The following PRKD3 variants were observed in gnomAD, a reference collection of about 807,000 sequenced individuals.
The protein encoded by PRKD3 is serine/threonine-protein kinase D3.
Under a neutral mutation model 99.2 loss-of-function variants are expected in PRKD3, and 47 were observed. That is an observed-to-expected ratio of 0.47 (90% CI 0.38 to 0.60). PRKD3 has a LOEUF of 0.60. Ranked by LOEUF, PRKD3 falls within the 20% of genes least tolerant of loss-of-function variation. The probability of loss-of-function intolerance (pLI) is 0.00; values close to 1 mark genes in which losing one functional copy is unlikely to be tolerated. For synonymous variants in PRKD3, 392 were observed against 355.4 expected, an observed-to-expected ratio of 1.10 and a Z score of -1.16; for missense variants, 1,019 against 1,088.4, an observed-to-expected ratio of 0.94 and a Z score of 0.90.
chr2:37,259,094 G>A (rs941489834), intron 16 of PRKD3, among the ~76,000 whole-genome samples: 1 of 152,118 alleles, frequency 6.6e-6, no homozygotes, highest in Admixed American at 6.6e-5. Context: ...ATCAGAGAGT[G>A]CTACATGTAG....
chr2:37,299,415 A>G (rs1273112977), intron 2 of PRKD3, among the ~76,000 whole-genome samples: 1 of 151,858 alleles, frequency 6.6e-6, no homozygotes, highest in Non-Finnish European at 1.5e-5. Flanking sequence ...CACACTGATA[A>G]TCCTAGCACT....
intron 3 of PRKD3, among the ~76,000 whole-genome samples, chr2:37,291,712 G>A (rs149925288): frequency 6.6e-6 from 1 of 152,302 alleles, no homozygotes; most frequent in African/African-American, 2.4e-5. Context: ...AGATGAATGA[G>A]AGAATCAGAA....
intron 14 of PRKD3, among the ~76,000 whole-genome samples, chr2:37,266,872 A>G (rs1572631095): frequency 6.6e-6 from 1 of 152,346 alleles, no homozygotes; most frequent in South Asian, 2.1e-4. Flanking sequence ...AATTATTTAT[A>G]TGATATTCAG....
At chr2:37,301,432 A>G (rs952520340) in intron 2 of PRKD3, among the ~76,000 whole-genome samples, 1 of 151,664 alleles carries the variant, frequency 6.6e-6, no homozygotes, top group South Asian at 2.1e-4. Flanking sequence ...ATTAAAACCA[A>G]TTCTGGATTA....
intron 10 of PRKD3, 143 bp downstream of exon 10, chr2:37,275,624 C>T (rs1669531091): frequency 2.3e-6 from 2 of 859,062 alleles, no homozygotes; most frequent in South Asian, 7.5e-5. Context: ...GAAATAGTTG[C>T]TTCAACAAGG....
Position 37,316,315 on chromosome 2 carries a change from C to T in PRKD3, c.210G>A (p.Arg70=). The T allele has an allele frequency of 6.2e-7, 1 of 1,614,182 alleles. No homozygotes were observed. ...CCTGGGCTTCAATGGTAACACTCTC[C>T]CGTGTGAGGCCAATTTGCAGTAGAA... ...VSFLLQIGLT[R]ESVTIEAQEL... The change falls in exon 2 of 19, where the codon CGG becomes CGA. Residue 70 remains arginine (R), a synonymous_variant. Transcript: ENST00000234179.
chr2:37,304,042 CCAA>C (rs1251596181), intron 2 of PRKD3, among the ~76,000 whole-genome samples: 2 of 152,018 alleles, frequency 1.3e-5, no homozygotes, highest in Non-Finnish European at 2.9e-5. Context: ...ACACTGAATA[CCAA>C]CGTCATTTTA....
Position 37,251,085 on chromosome 2 carries a change from G to A in PRKD3, c.*2092C>T, listed in dbSNP as rs1028985361. Reference sequence around the variant, plus strand: ...TTTCACCTTACATAGTAAAACCACAGTAGATTGATTGCCTAGTGACTCAGA... The same window carrying A: ...TTTCACCTTACATAGTAAAACCACAATAGATTGATTGCCTAGTGACTCAGA... On this transcript the variant is annotated 3_prime_UTR_variant, in exon 19 of 19. Coordinates refer to ENST00000234179, the MANE Select transcript of PRKD3 (RefSeq NM_005813.6). The A allele has an allele frequency of 6.5e-6, 1 of 152,700 alleles. No individual in the cohort carries two copies. The highest frequency in any genetic ancestry group is 1.5e-5 in the Non-Finnish European group (1 of 68,018). The allele number at this position is 152,700 out of a possible 1,614,324, so 9.5% of individuals were successfully genotyped here. A position where few individuals can be genotyped will look rare whatever the true frequency, so the allele number is the denominator to read the frequency against.
At chr2:37,260,425 GA>G in intron 14 of PRKD3, 41 bp from the exon 15 acceptor site, 4 of 1,548,064 alleles carry the variant, frequency 2.6e-6, no homozygotes, top group South Asian at 1.1e-5. Context: ...CTTAAGCAGA[GA>G]AACAGTTTTA....
intron 16 of PRKD3, among the ~76,000 whole-genome samples, chr2:37,258,384 T>TTTCAGC (rs1668145623): frequency 6.6e-6 from 1 of 152,208 alleles, no homozygotes; most frequent in African/African-American, 2.4e-5. Context: ...AAATGCCAGA[T>TTTCAGC]TTCAGCTAAC....
Position 37,316,712 on chromosome 2 carries a change from G to A in PRKD3, c.-188C>T. On this transcript the variant is annotated 5_prime_UTR_variant, in exon 2 of 19. Coordinates refer to ENST00000234179, the MANE Select transcript of PRKD3 (RefSeq NM_005813.6). ...TATCAAGGAGTTGAATGCCCCAAAGGTCCTATTTCTCTTAATATCAGTCCC... is the reference window on the plus strand; with the variant it reads ...TATCAAGGAGTTGAATGCCCCAAAGATCCTATTTCTCTTAATATCAGTCCC... The A allele has an allele frequency of 7.0e-7, 1 of 1,419,650 alleles. No individual in the cohort carries two copies. Among genetic ancestry groups the A allele is most frequent in the Non-Finnish European group, 9.1e-7 (1 of 1,093,716 alleles). The allele number at this position is 1,419,650 out of a possible 1,614,324, so 87.9% of individuals were successfully genotyped here.
intron 17 of PRKD3, among the ~76,000 whole-genome samples, chr2:37,255,948 A>T (rs1667899990): frequency 1.3e-5 from 2 of 152,200 alleles, no homozygotes; most frequent in African/African-American, 2.4e-5. Flanking sequence ...CAGGAAGTCG[A>T]GGCTGCAGTG....
Position 37,316,950 on chromosome 2 carries a change from A to G in PRKD3, c.-426T>C. The G allele has an allele frequency of 1.0e-6, 1 of 998,140 alleles. No homozygotes were observed. Among genetic ancestry groups the G allele is most frequent in the Non-Finnish European group, 1.2e-6 (1 of 838,142 alleles). 61.8% of individuals were successfully genotyped at this position (998,140 alleles called of 1,614,324 possible). On this transcript the variant is annotated 5_prime_UTR_variant, in exon 2 of 19. Transcript: ENST00000234179. ...AAATCCTCTTCGTTTAAAAAACAGT[A>G]AGTGTTTTGGATTAATCTATTCAGT...
intron 6 of PRKD3, among the ~76,000 whole-genome samples, chr2:37,285,177 C>T (rs1168484670): frequency 1.3e-5 from 2 of 152,170 alleles, no homozygotes; most frequent in Non-Finnish European, 2.9e-5. Context: ...TATCCTGGCT[C>T]AATGACTAAT....
At chr2:37,263,699 T>C (rs1668632905) in intron 14 of PRKD3, among the ~76,000 whole-genome samples, 1 of 152,166 alleles carries the variant, frequency 6.6e-6, no homozygotes, top group African/African-American at 2.4e-5. Flanking sequence ...GAAGGGACCT[T>C]TGGAGGACAT....
chr2:37,316,403 G>C lies in PRKD3; in HGVS notation c.122C>G (p.Ser41Cys). 1.9e-6 allele frequency: 3 copies of C among 1,614,200 alleles called. No homozygotes were observed. The highest frequency in any genetic ancestry group is 8.5e-7 in the Non-Finnish European group (1 of 1,180,026). Residue 41 changes from serine to cysteine, a missense_variant, in exon 2 of 19, where the codon TCT becomes TGT. This residue lies in a region of PRKD3 where 710 missense variants were observed against 692.7 expected (regional missense o/e 1.02). Coordinates refer to ENST00000234179, the MANE Select transcript of PRKD3 (RefSeq NM_005813.6). ...SPKTGLSARL[S>C]NGSFSAPSLT... Reference sequence around the variant, plus strand: ...TGATGGTGCACTGAAGCTTCCATTAGAGAGTCGGGCAGAGAGTCCCGTCTT... The same window carrying C: ...TGATGGTGCACTGAAGCTTCCATTACAGAGTCGGGCAGAGAGTCCCGTCTT...
intron 15 of PRKD3, 31 bp downstream of exon 15, chr2:37,260,192 C>T: frequency 6.4e-7 from 1 of 1,553,270 alleles, no homozygotes; most frequent in Non-Finnish European, 8.7e-7. Context: ...TTTTTAATCG[C>T]TAGTTTAAAA....
At chr2:37,272,765 A>T in intron 11 of PRKD3, among the ~76,000 whole-genome samples, 1 of 152,278 alleles carries the variant, frequency 6.6e-6, no homozygotes, top group East Asian at 1.9e-4. Flanking sequence ...AGGCAGGAGG[A>T]TCACTTGAGC....
chr2:37,253,870 T>A (rs1440394374), intron 18 of PRKD3, among the ~76,000 whole-genome samples: 6 of 152,198 alleles, frequency 3.9e-5, no homozygotes, highest in African/African-American at 7.2e-5. Flanking sequence ...CCAAACATTT[T>A]TAAAAAATCT....
Sources: gnomAD v4.1 joint callset for allele counts (sites outside exome capture counted in the v4.1 genomes callset) on GRCh38, gnomAD v4.1.1 for gene constraint, gnomAD v4.1.1 regional missense constraint, MANE v1.5 for transcripts, NCBI Gene and HGNC (gene_info 2026-07-23, HGNC 2026-07-21) for gene names.